Variants in PRORP observed in about 807,000 individuals in gnomAD.
PRORP encodes protein only RNase P catalytic subunit, also known as mitochondrial ribonuclease P catalytic subunit.
In PRORP, 51 loss-of-function variants were observed where a neutral mutation model predicts 59.4. The ratio of observed to expected loss-of-function variants is 0.86; its 90% confidence interval spans 0.69 to 1.08. The LOEUF is 1.08. Ranked by LOEUF, PRORP falls within the 50% of genes least tolerant of loss-of-function variation. The pLI, the probability that PRORP is intolerant of heterozygous loss-of-function variation, is 0.00. For missense variants in PRORP, 646 were observed against 690.3 expected (o/e 0.94, Z 0.72); for synonymous variants, 231 against 245.6 (o/e 0.94, Z 0.55).
chr14:35,124,590 C>G (rs2047048807), intron 2 of PRORP, among the ~76,000 whole-genome samples: 1 of 151,342 alleles, frequency 6.6e-6, no homozygotes, highest in Admixed American at 6.6e-5. Flanking sequence ...AAAGTAACAA[C>G]ATACATAATT....
intron 4 of PRORP, among the ~76,000 whole-genome samples, chr14:35,133,071 G>T (rs899511627): frequency 6.6e-6 from 1 of 151,912 alleles, no homozygotes; most frequent in Non-Finnish European, 1.5e-5. Context: ...ACAGGTTCAC[G>T]TCACCACGCC....
At position 35,213,609 on chromosome 14, in the gene PRORP, A is replaced by G. The variant is rs138551752; in HGVS notation, c.1275+32832A>G. The stretch of plus-strand genomic sequence containing the variant: ...GCAACTCTTCCTTTCACTTTTGAAC[A>G]CTTAGTGGTCATCACAGGGTTAATT... On this transcript the variant is annotated intron_variant, in intron 5 of 7. Coordinates refer to ENST00000534898, the MANE Select transcript of PRORP (RefSeq NM_014672.4). Among the ~76,000 whole-genome samples, 394 of 152,188 alleles carry G rather than the reference A, an allele frequency of 2.6e-3. 3 individuals are homozygous for G. The highest frequency in any genetic ancestry group is 9.1e-3 in the African/African-American group (377 of 41,514).
chr14:35,166,675 T>A (rs2048193226), intron 4 of PRORP, among the ~76,000 whole-genome samples: 1 of 152,122 alleles, frequency 6.6e-6, no homozygotes, highest in African/African-American at 2.4e-5. Context: ...ATGGTCTTGA[T>A]CTCTTGACCT....
At chr14:35,227,397 T>TC (rs752503925) in intron 5 of PRORP, among the ~76,000 whole-genome samples, 1 of 151,580 alleles carries the variant, frequency 6.6e-6, no homozygotes, top group Non-Finnish European at 1.5e-5. Flanking sequence ...TGAGCTGAGA[T>TC]CGCACCACTG....
chr14:35,273,431 A>G lies in PRORP; in HGVS notation c.1621-4A>G. ...AATGTTTTGTTCTCTTTTTAATTCA[A>G]CAGCGTATTCTCAGCTATGACACAG... On this transcript the variant is annotated splice_polypyrimidine_tract_variant and splice_region_variant and intron_variant, in intron 7 of 7. Transcript: ENST00000534898. 3 of 1,601,414 alleles carry G rather than the reference A, an allele frequency of 1.9e-6. No individual in the cohort carries two copies. The highest frequency in any genetic ancestry group is 3.5e-5 in the Admixed American group (2 of 57,000).
intron 5 of PRORP, among the ~76,000 whole-genome samples, chr14:35,206,145 T>C (rs2049288116): frequency 6.6e-6 from 1 of 152,268 alleles, no homozygotes; most frequent in Non-Finnish European, 1.5e-5. Flanking sequence ...TGACTCCTTT[T>C]AGTCTGTGTT....
intron 5 of PRORP, among the ~76,000 whole-genome samples, chr14:35,234,676 C>CTTTTTTTTTTTTTTTT (rs398056986): frequency 7.7e-6 from 1 of 130,136 alleles, no homozygotes; most frequent in Non-Finnish European, 1.6e-5. Context: ...ACTGTTGTTC[C>CTTTTTTTTTTTTTTTT]TTTTTTTTTT....
At chr14:35,189,429 G>A (rs1471610169) in intron 5 of PRORP, among the ~76,000 whole-genome samples, 1 of 138,880 alleles carries the variant, frequency 7.2e-6, no homozygotes, top group Non-Finnish European at 1.6e-5. Context: ...AAAATTCTGA[G>A]CTTTTTTTTT....
chr14:35,126,257 AC>A (rs1269319722), intron 2 of PRORP, among the ~76,000 whole-genome samples: 5 of 152,236 alleles, frequency 3.3e-5, no homozygotes, highest in African/African-American at 1.2e-4. Flanking sequence ...TTGAACAAAT[AC>A]ATCAATACAT....
chr14:35,245,179 G>A (rs2050454186), intron 5 of PRORP, among the ~76,000 whole-genome samples: 1 of 152,158 alleles, frequency 6.6e-6, no homozygotes, highest in Non-Finnish European at 1.5e-5. Context: ...AACTCACCAT[G>A]GCTTTCCTCC....
chr14:35,160,147 C>T (rs2048021191), intron 4 of PRORP, among the ~76,000 whole-genome samples: 3 of 152,160 alleles, frequency 2.0e-5, no homozygotes, highest in South Asian at 2.1e-4. Flanking sequence ...AGTTAGACAG[C>T]GGAGGGAAAA....
intron 7 of PRORP, among the ~76,000 whole-genome samples, chr14:35,271,751 G>A (rs557464166): frequency 2.0e-5 from 3 of 152,294 alleles, no homozygotes; most frequent in South Asian, 2.1e-4. Context: ...TTGGCTGGGC[G>A]TGATGGCTCA....
intron 4 of PRORP, among the ~76,000 whole-genome samples, chr14:35,134,646 T>G (rs1332810410): frequency 6.6e-6 from 1 of 152,160 alleles, no homozygotes; most frequent in East Asian, 1.9e-4. Context: ...CTGCTGTAGC[T>G]GAGCTGGTGT....
chr14:35,125,241 C>G (rs1400306710), intron 2 of PRORP, among the ~76,000 whole-genome samples: 2 of 152,124 alleles, frequency 1.3e-5, no homozygotes, highest in African/African-American at 4.8e-5. Context: ...TATACGTAAG[C>G]ATTACAATGG....
At chr14:35,214,522 C>CT (rs1272455517) in intron 5 of PRORP, among the ~76,000 whole-genome samples, 2 of 152,166 alleles carry the variant, frequency 1.3e-5, no homozygotes, top group African/African-American at 4.8e-5. Context: ...ATCTATTACT[C>CT]TGACTTCTTA....
At chr14:35,133,682 C>CT (rs1317012333) in intron 4 of PRORP, among the ~76,000 whole-genome samples, 1 of 152,144 alleles carries the variant, frequency 6.6e-6, no homozygotes, top group Non-Finnish European at 1.5e-5. Flanking sequence ...GTGTTGTGAT[C>CT]TAAGTTGTAT....
chr14:35,218,692 A>C (rs2049687018), intron 5 of PRORP, among the ~76,000 whole-genome samples: 1 of 151,490 alleles, frequency 6.6e-6, no homozygotes, highest in Admixed American at 6.6e-5. Context: ...CGCCTAGCCA[A>C]TTTTTGTATG....
intron 4 of PRORP, among the ~76,000 whole-genome samples, chr14:35,172,620 G>C (rs1443679794): frequency 6.7e-6 from 1 of 150,138 alleles, no homozygotes; most frequent in Non-Finnish European, 1.5e-5. Flanking sequence ...CATGATCTCA[G>C]CTCACTGCAA....
At chr14:35,201,707 A>G (rs573595674) in intron 5 of PRORP, among the ~76,000 whole-genome samples, 1 of 151,886 alleles carries the variant, frequency 6.6e-6, no homozygotes, top group African/African-American at 2.4e-5. Flanking sequence ...CAGTGGTGCG[A>G]TCTTGCAGTG....
Sources: gnomAD v4.1 joint callset for allele counts (sites outside exome capture counted in the v4.1 genomes callset) on GRCh38, gnomAD v4.1.1 for gene constraint, MANE v1.5 for transcripts, NCBI Gene and HGNC (gene_info 2026-07-23, HGNC 2026-07-21) for gene names.